Variants in MGAT5 observed in about 807,000 individuals in gnomAD.
The protein encoded by MGAT5 is alpha-1,6-mannosylglycoprotein 6-beta-N-acetylglucosaminyltransferase A.
A neutral mutation model predicts 94.3 loss-of-function variants in MGAT5; 30 were observed. The observed-to-expected ratio is 0.32, with a 90% CI of 0.24 to 0.43. The LOEUF is 0.43. MGAT5 is among the 20% of genes least tolerant of loss of function. The pLI, the probability that MGAT5 is intolerant of heterozygous loss-of-function variation, is 1.00. For synonymous variants in MGAT5, 310 were observed against 322.9 expected (o/e 0.96, Z 0.43); for missense variants, 691 against 905.5 (o/e 0.76, Z 3.04).
chr2:134,391,637 C>T (rs1270194649), intron 10 of MGAT5, among the ~76,000 whole-genome samples: 1 of 152,140 alleles, frequency 6.6e-6, no homozygotes, highest in African/African-American at 2.4e-5. Flanking sequence ...CTTTACTTCC[C>T]ACAGGCCTCA....
intron 1 of MGAT5, among the ~76,000 whole-genome samples, chr2:134,138,311 C>T (rs921048314): frequency 6.6e-6 from 1 of 152,130 alleles, no homozygotes; most frequent in Non-Finnish European, 1.5e-5. Context: ...TCCCCTCCCC[C>T]ACTCTGAACC....
intron 1 of MGAT5, among the ~76,000 whole-genome samples, chr2:134,216,462 A>G (rs1342837253): frequency 1.3e-5 from 2 of 152,206 alleles, no homozygotes; most frequent in African/African-American, 2.4e-5. Context: ...AAGCACAGCC[A>G]TTGTGTTTCT....
chr2:134,419,796 G>A (rs1390790945), intron 12 of MGAT5, among the ~76,000 whole-genome samples: 1 of 152,142 alleles, frequency 6.6e-6, no homozygotes. Context: ...GAGCAACCTT[G>A]TAAATAAGCA....
chr2:134,313,922 C>G (rs1294185660), intron 2 of MGAT5, among the ~76,000 whole-genome samples: 1 of 152,094 alleles, frequency 6.6e-6, no homozygotes, highest in African/African-American at 2.4e-5. Flanking sequence ...CCTTTTTTGG[C>G]TCAAAGTTTT....
intron 1 of MGAT5, among the ~76,000 whole-genome samples, chr2:134,208,998 A>G (rs1442562008): frequency 2.0e-5 from 3 of 152,168 alleles, no homozygotes; most frequent in Non-Finnish European, 2.9e-5. Flanking sequence ...TTACATCAGC[A>G]TGAAGGAGGC....
intron 1 of MGAT5, among the ~76,000 whole-genome samples, chr2:134,192,288 A>G (rs1381083242): frequency 6.6e-6 from 1 of 151,980 alleles, no homozygotes; most frequent in Admixed American, 6.6e-5. Context: ...TCCTCCCATG[A>G]GTGTGCTCTT....
chr2:134,248,307 C>T (rs1005095122), intron 1 of MGAT5, among the ~76,000 whole-genome samples: 9 of 152,168 alleles, frequency 5.9e-5, no homozygotes, highest in African/African-American at 1.4e-4. Context: ...TGGCCATTGC[C>T]GGCATTTCTT....
At chr2:134,193,969 G>A (rs534011446) in intron 1 of MGAT5, among the ~76,000 whole-genome samples, 5 of 152,226 alleles carry the variant, frequency 3.3e-5, no homozygotes, top group Middle Eastern at 3.4e-3. Context: ...TATATCTTCC[G>A]CTGGACACTG....
chr2:134,134,074 T>C (rs1686298613), intron 1 of MGAT5, among the ~76,000 whole-genome samples: 1 of 152,198 alleles, frequency 6.6e-6, no homozygotes, highest in South Asian at 2.1e-4. Flanking sequence ...TATCTAGTGC[T>C]ATGTGACTTT....
At chr2:134,320,593 G>T (rs1337422909) in intron 4 of MGAT5, among the ~76,000 whole-genome samples, 2 of 152,086 alleles carry the variant, frequency 1.3e-5, no homozygotes, top group Non-Finnish European at 2.9e-5. Flanking sequence ...ACCCTCTGCT[G>T]CCCTTTCTTT....
intron 1 of MGAT5, among the ~76,000 whole-genome samples, chr2:134,178,833 A>G (rs1280284312): frequency 1.3e-5 from 2 of 151,796 alleles, no homozygotes; most frequent in Non-Finnish European, 2.9e-5. Flanking sequence ...TACATATTTG[A>G]CTCCCTGTTA....
At chr2:134,167,690 G>A (rs1688023318) in intron 1 of MGAT5, among the ~76,000 whole-genome samples, 1 of 152,184 alleles carries the variant, frequency 6.6e-6, no homozygotes, top group South Asian at 2.1e-4. Context: ...TTGTTATGGT[G>A]TGCAAGTCTT....
At chr2:134,233,274 A>T (rs1469594929) in intron 1 of MGAT5, among the ~76,000 whole-genome samples, 1 of 152,140 alleles carries the variant, frequency 6.6e-6, no homozygotes, top group Non-Finnish European at 1.5e-5. Context: ...TTTTGCTTTG[A>T]GAGATGGGGT....
At chr2:134,135,329 T>C (rs577064754) in intron 1 of MGAT5, among the ~76,000 whole-genome samples, 1 of 152,018 alleles carries the variant, frequency 6.6e-6, no homozygotes, top group Non-Finnish European at 1.5e-5. Context: ...GGAAATGAAT[T>C]GTAAAGTAAT....
Position 134,422,790 on chromosome 2 carries a change from G to C in MGAT5, c.1678-13G>C. 1 of 1,609,256 alleles carries C rather than the reference G, an allele frequency of 6.2e-7. No individual in the cohort carries two copies. Among genetic ancestry groups the C allele is most frequent in the Non-Finnish European group, 8.5e-7 (1 of 1,175,926 alleles). Reference sequence around the variant, plus strand: ...AATTGCTTGTGAGACTGAGGTGTTCGGTTCTTTTCCAGCTGACATCCCAGC... The same window carrying C: ...AATTGCTTGTGAGACTGAGGTGTTCCGTTCTTTTCCAGCTGACATCCCAGC... On this transcript the variant is annotated splice_polypyrimidine_tract_variant and intron_variant, in intron 12 of 15. Transcript: ENST00000281923.
chr2:134,220,459 G>T (rs1680704306), intron 1 of MGAT5, among the ~76,000 whole-genome samples: 3 of 152,112 alleles, frequency 2.0e-5, no homozygotes, highest in Non-Finnish European at 2.9e-5. Flanking sequence ...TGGGGTTGGT[G>T]GGGGGATGTC....
intron 15 of MGAT5, among the ~76,000 whole-genome samples, chr2:134,445,892 T>C (rs1337358063): frequency 3.3e-5 from 5 of 152,148 alleles, no homozygotes; most frequent in South Asian, 4.1e-4. Flanking sequence ...GCTCTAGCGA[T>C]TGGGGAAAGC....
chr2:134,342,098 C>A (rs1206015210), intron 7 of MGAT5, among the ~76,000 whole-genome samples: 1 of 152,144 alleles, frequency 6.6e-6, no homozygotes, highest in African/African-American at 2.4e-5. Flanking sequence ...GAAATTCATA[C>A]CACTGCCTAC....
chr2:134,156,230 C>T (rs1481678375), intron 1 of MGAT5, among the ~76,000 whole-genome samples: 1 of 152,170 alleles, frequency 6.6e-6, no homozygotes, highest in Non-Finnish European at 1.5e-5. Context: ...CTTCCGAATA[C>T]ATTTCTAGGT....
Sources: gnomAD v4.1 joint callset for allele counts (sites outside exome capture counted in the v4.1 genomes callset) on GRCh38, gnomAD v4.1.1 for gene constraint, MANE v1.5 for transcripts, NCBI Gene and HGNC (gene_info 2026-07-23, HGNC 2026-07-21) for gene names.